ABL1: variants seen among roughly 807,000 people sequenced by gnomAD.
The protein encoded by ABL1 is ABL proto-oncogene 1, non-receptor tyrosine kinase, also known as tyrosine-protein kinase ABL1.
Under a neutral mutation model 94.7 loss-of-function variants are expected in ABL1, and 11 were observed. The ratio of observed to expected loss-of-function variants is 0.12; its 90% confidence interval spans 0.07 to 0.19. The LOEUF (loss-of-function observed/expected upper bound fraction) is 0.19, where lower values mean the gene tolerates loss of function less well. Among genes scored for constraint, ABL1 ranks in the 10% least tolerant of loss-of-function variants. The pLI, the probability that ABL1 is intolerant of heterozygous loss-of-function variation, is 1.00. For missense variants in ABL1, 1,082 were observed against 1,489.4 expected (o/e 0.73, Z 4.50); for synonymous variants, 656 against 622.4 (o/e 1.05, Z -0.80).
At chr9:130,787,604 A>G (rs1368994139) in intron 1 of ABL1, among the ~76,000 whole-genome samples, 1 of 152,040 alleles carries the variant, frequency 6.6e-6, no homozygotes, top group African/African-American at 2.4e-5. Flanking sequence ...GGAAGGAGGC[A>G]AGATTTTACC....
Position 130,835,497 on chromosome 9 carries a change from G to T in ABL1, c.51G>T (p.Leu17=). 6.4e-7 allele frequency: 1 copy of T among 1,563,152 alleles called. No individual in the cohort carries two copies. ...TGGGCTGCAAATCCAAGAAGGGGCT[G>T]TCCTCGTCCTCCAGCTGTTATCTGG... ...KLVGCKSKKG[L]SSSSSCYLEE... The change falls in exon 1 of 11, where the codon CTG becomes CTT. Residue 17 remains leucine (L), a synonymous_variant. Coordinates refer to ENST00000318560, the MANE Select transcript of ABL1 (RefSeq NM_005157.6). This position sits in a 1 kb window ranked among gnomAD's most constrained non-coding sequence, Gnocchi z 4.6.
At chr9:130,873,073 C>T in intron 6 of ABL1, 36 bp downstream of exon 6, 1 of 1,597,900 alleles carries the variant, frequency 6.3e-7, no homozygotes, top group South Asian at 1.1e-5. Flanking sequence ...GCCATGGAGT[C>T]ACAGGGCGTG....
At chr9:130,743,875 G>GT (rs1831850510) in intron 1 of ABL1, among the ~76,000 whole-genome samples, 1 of 152,012 alleles carries the variant, frequency 6.6e-6, no homozygotes, top group Admixed American at 6.6e-5. Context: ...TAGCTGTCCT[G>GT]TAAAGAGGTA....
chr9:130,734,813 C>T (rs1457545218), intron 1 of ABL1, among the ~76,000 whole-genome samples: 3 of 151,972 alleles, frequency 2.0e-5, no homozygotes, highest in Non-Finnish European at 2.9e-5. Context: ...TGAGCCACTG[C>T]GCCCAGCCTC....
chr9:130,723,429 T>C (rs1008983844), intron 1 of ABL1, among the ~76,000 whole-genome samples: 1 of 152,112 alleles, frequency 6.6e-6, no homozygotes, highest in Non-Finnish European at 1.5e-5. Flanking sequence ...TGTGCTTGTC[T>C]AGCTACTTGG....
chr9:130,802,737 T>C (rs574269549), intron 1 of ABL1, among the ~76,000 whole-genome samples: 1 of 152,230 alleles, frequency 6.6e-6, no homozygotes, highest in African/African-American at 2.4e-5. Context: ...TTTGTCCCAC[T>C]GTCTTGCTTC....
chr9:130,812,914 A>C (rs773085777), intron 1 of ABL1, among the ~76,000 whole-genome samples: 1 of 152,230 alleles, frequency 6.6e-6, no homozygotes, highest in East Asian at 1.9e-4. Context: ...TTTCTGGGCC[A>C]TTTTAAAAGC....
At chr9:130,754,367 G>T (rs1832014523) in intron 1 of ABL1, among the ~76,000 whole-genome samples, 2 of 151,518 alleles carry the variant, frequency 1.3e-5, no homozygotes, top group Admixed American at 1.3e-4. Context: ...AATTAGCCAG[G>T]CGTGGTGGCG....
At chr9:130,852,417 G>A (rs1222520149) in intron 1 of ABL1, among the ~76,000 whole-genome samples, 1 of 152,062 alleles carries the variant, frequency 6.6e-6, no homozygotes, top group Non-Finnish European at 1.5e-5. Context: ...TGCCCAGGTT[G>A]GTTTTGAACT....
chr9:130,800,473 G>A (rs980294753), intron 1 of ABL1, among the ~76,000 whole-genome samples: 2 of 148,728 alleles, frequency 1.3e-5, no homozygotes, highest in Non-Finnish European at 3.0e-5. Flanking sequence ...AAAAAAAAAA[G>A]AACCCAAAAC....
At chr9:130,771,752 C>CTTTTTTTTTTT (rs57339049) in intron 1 of ABL1, among the ~76,000 whole-genome samples, 3 of 106,918 alleles carry the variant, frequency 2.8e-5, no homozygotes, top group South Asian at 3.2e-4. Context: ...TTCTTTCTTT[C>CTTTTTTTTTTT]TTTTTTTTTT....
At chr9:130,834,132 A>T, upstream of ABL1, 1 of 455,026 alleles carries the variant, frequency 2.2e-6, no homozygotes, top group Admixed American at 2.4e-5. Flanking sequence ...TTAAACCTGA[A>T]GAATTGGGAT....
At chr9:130,854,261 T>A in intron 2 of ABL1, 24 bp downstream of exon 2, 1 of 1,608,156 alleles carries the variant, frequency 6.2e-7, no homozygotes, top group South Asian at 1.1e-5. Context: ...GGGCAGCTAG[T>A]GGTGGTTGCA....
At chr9:130,794,684 T>C (rs1024147012) in intron 1 of ABL1, among the ~76,000 whole-genome samples, 1 of 152,200 alleles carries the variant, frequency 6.6e-6, no homozygotes, top group African/African-American at 2.4e-5. Context: ...TGATCACTGT[T>C]GACGGGGTTC....
intron 10 of ABL1, among the ~76,000 whole-genome samples, chr9:130,882,180 A>G (rs972997046): frequency 6.6e-6 from 1 of 152,138 alleles, no homozygotes; most frequent in African/African-American, 2.4e-5. Flanking sequence ...CGCTGTGCTT[A>G]TTAAGAACCC....
intron 1 of ABL1, among the ~76,000 whole-genome samples, chr9:130,727,117 A>C (rs1340847338): frequency 6.6e-6 from 1 of 152,174 alleles, no homozygotes; most frequent in Non-Finnish European, 1.5e-5. Flanking sequence ...TAGTTGAAAA[A>C]AGTTTGTGTT....
intron 1 of ABL1, among the ~76,000 whole-genome samples, chr9:130,840,921 A>C (rs772237175): frequency 6.6e-6 from 1 of 152,198 alleles, no homozygotes; most frequent in Non-Finnish European, 1.5e-5. Flanking sequence ...TTACATAATA[A>C]AGTTACAGTT....
At chr9:130,746,222 GTT>G (rs34739380) in intron 1 of ABL1, among the ~76,000 whole-genome samples, 1,533 of 146,652 alleles carry the variant, frequency 0.01, 28 homozygotes, top group African/African-American at 0.035. Flanking sequence ...AATTTAATGC[GTT>G]TTTTTTTTTT....
At chr9:130,869,925 A>T (rs1831226079) in intron 4 of ABL1, among the ~76,000 whole-genome samples, 1 of 152,202 alleles carries the variant, frequency 6.6e-6, no homozygotes, top group Non-Finnish European at 1.5e-5. Flanking sequence ...CCCGAATTCA[A>T]GTGATTCTCC....
Sources: allele counts gnomAD v4.1 joint callset (sites outside exome capture counted in the v4.1 genomes callset), GRCh38; gene constraint gnomAD v4.1.1; non-coding constraint Gnocchi (gnomAD v3.1); transcripts MANE v1.5; gene names NCBI Gene and HGNC (gene_info 2026-07-23, HGNC 2026-07-21).